Variants in HERC2 observed in about 807,000 individuals in gnomAD.
HERC2 encodes the protein E3 ubiquitin-protein ligase HERC2.
A neutral mutation model predicts 537.7 loss-of-function variants in HERC2; 102 were observed. The observed-to-expected ratio is 0.19, with a 90% confidence interval of 0.16 to 0.22. The LOEUF (loss-of-function observed/expected upper bound fraction) is 0.22, where lower values mean the gene tolerates loss of function less well. Among genes scored for constraint, HERC2 ranks in the 10% least tolerant of loss-of-function variants. The pLI is 1.00. For synonymous variants in HERC2, 2,224 were observed against 2,466.2 expected, an observed-to-expected ratio of 0.90 and a Z score of 2.91; for missense variants, 4,236 against 6,198.2, an observed-to-expected ratio of 0.68 and a Z score of 10.63.
At chr15:28,270,591 C>G in intron 10 of HERC2, 104 bp downstream of exon 10, 1 of 1,125,784 alleles carries the variant, frequency 8.9e-7, no homozygotes, top group Non-Finnish European at 1.3e-6. Flanking sequence ...CCAGCTCCCC[C>G]TACCAATACC....
In HERC2 at chr15:28,292,846, G is replaced by A. The variant is rs371633379; in HGVS notation, c.322+42C>T. Reference sequence around the variant, plus strand: ...CATCCAAGTTATTTAGAAAGGGAGCGTCAGATCAACCTTTCCAAAGTGCCA... The same window carrying A: ...CATCCAAGTTATTTAGAAAGGGAGCATCAGATCAACCTTTCCAAAGTGCCA... On this transcript the variant is annotated intron_variant, in intron 4 of 92. Coordinates refer to ENST00000261609, the MANE Select transcript of HERC2 (RefSeq NM_004667.6). The A allele has an allele frequency of 4.0e-5, 63 of 1,583,704 alleles. No individual in the cohort carries two copies. In the Admixed American group the frequency reaches 5.4e-4, roughly 14 times the overall value.
At chr15:28,170,198 T>G (rs1422030591) in intron 65 of HERC2, among the ~76,000 whole-genome samples, 1 of 152,218 alleles carries the variant, frequency 6.6e-6, no homozygotes, top group African/African-American at 2.4e-5. Flanking sequence ...ACAGACAAGA[T>G]TATTCTGAAA....
At chr15:28,319,216 C>A (rs1324495459) in intron 2 of HERC2, among the ~76,000 whole-genome samples, 3 of 152,262 alleles carry the variant, frequency 2.0e-5, no homozygotes, top group Admixed American at 1.3e-4. Flanking sequence ...GCTACTTAGA[C>A]CTGTAACACA....
chr15:28,238,311 A>C, intron 24 of HERC2, 94 bp from the exon 25 acceptor site: 5 of 991,882 alleles, frequency 5.0e-6, no homozygotes, highest in Non-Finnish European at 8.0e-6. Context: ...TTAGGCGCTT[A>C]ACTCAAAAGT....
chr15:28,193,250 C>A (rs1449426668), intron 52 of HERC2, among the ~76,000 whole-genome samples: 1 of 152,168 alleles, frequency 6.6e-6, no homozygotes, highest in African/African-American at 2.4e-5. Flanking sequence ...AATATAATAA[C>A]TATGCTTACT....
intron 79 of HERC2, among the ~76,000 whole-genome samples, chr15:28,133,755 G>GT (rs1890336667): frequency 6.6e-6 from 1 of 152,208 alleles, no homozygotes; most frequent in African/African-American, 2.4e-5. Flanking sequence ...ACTAGAAACT[G>GT]TGAGAAGTCC....
chr15:28,217,159 CTT>C lies in HERC2; in HGVS notation c.6028+1328_6028+1329del, dbSNP rs1900016180. 3.3e-5 allele frequency among the ~76,000 whole-genome samples: 5 copies of C among 152,308 alleles called. No homozygotes were observed. In the South Asian group the frequency reaches 8.3e-4, roughly 25 times the overall value. On this transcript the variant is annotated intron_variant, in intron 38 of 92. Coordinates refer to ENST00000261609, the MANE Select transcript of HERC2 (RefSeq NM_004667.6). ...CCTCACACTCACCAACCCTCACTGA[CTT>C]ACACTGACTTACACTTACACTGGGT...
At chr15:28,188,046 G>C (rs1272719688) in intron 55 of HERC2, among the ~76,000 whole-genome samples, 10 of 152,048 alleles carry the variant, frequency 6.6e-5, no homozygotes, top group Non-Finnish European at 1.5e-4. Context: ...CACCACCATA[G>C]GGATGCAAAA....
At chr15:28,193,911 C>T (rs8031097) in intron 52 of HERC2, among the ~76,000 whole-genome samples, 31,190 of 151,852 alleles carry the variant, frequency 0.21, 6,143 homozygotes, top group African/African-American at 0.5. Flanking sequence ...TTAAAAATAT[C>T]AAGGGGTATC....
At chr15:28,261,890 T>A (rs1302781988) in intron 15 of HERC2, among the ~76,000 whole-genome samples, 2 of 152,164 alleles carry the variant, frequency 1.3e-5, no homozygotes, top group African/African-American at 4.8e-5. Flanking sequence ...CAAACCCACT[T>A]GGTAAAGAAC....
At chr15:28,300,983 G>T (rs968565309) in intron 2 of HERC2, among the ~76,000 whole-genome samples, 2 of 151,554 alleles carry the variant, frequency 1.3e-5, no homozygotes, top group African/African-American at 4.9e-5. Flanking sequence ...AGAATCAAAG[G>T]CAATCTGACA....
intron 2 of HERC2, among the ~76,000 whole-genome samples, chr15:28,309,751 C>T (rs1283409059): frequency 6.6e-6 from 1 of 152,020 alleles, no homozygotes; most frequent in African/African-American, 2.4e-5. Flanking sequence ...TATGGCCAGA[C>T]TCCTGACCCA....
chr15:28,185,123 C>A (rs1896180024), intron 56 of HERC2, among the ~76,000 whole-genome samples: 1 of 151,384 alleles, frequency 6.6e-6, no homozygotes, highest in African/African-American at 2.4e-5. Context: ...TTCTTTTCAA[C>A]TTCTACACAA....
Position 28,248,553 on chromosome 15 carries a change from A to T in HERC2, c.3234T>A (p.Ser1078=), listed in dbSNP as rs1468769858. 2.5e-6 allele frequency: 4 copies of T among 1,611,726 alleles called. No homozygotes were observed. In the South Asian group the frequency reaches 4.4e-5, roughly 18 times the overall value. Residue 1078 remains serine (S), a splice_region_variant and synonymous_variant, in exon 21 of 93, where the codon TCT becomes TCA. Coordinates refer to ENST00000261609, the MANE Select transcript of HERC2 (RefSeq NM_004667.6). ...GESIGQTSDI[S]SPELMGVGSL... is the part of the protein sequence containing the mutation. Reference sequence around the variant, plus strand: ...ACTTTCACATTTTAAGCAACTTACTAGAAATATCTGAGGTCTGACCAATAC... The same window carrying T: ...ACTTTCACATTTTAAGCAACTTACTTGAAATATCTGAGGTCTGACCAATAC...
intron 15 of HERC2, among the ~76,000 whole-genome samples, chr15:28,262,571 G>A (rs1366519576): frequency 1.3e-5 from 2 of 152,330 alleles, no homozygotes; most frequent in East Asian, 3.9e-4. Flanking sequence ...CATGGTCTCA[G>A]TGTGCCTGCA....
chr15:28,261,549 C>G (rs2075415428), intron 15 of HERC2, among the ~76,000 whole-genome samples: 1 of 152,108 alleles, frequency 6.6e-6, no homozygotes, highest in African/African-American at 2.4e-5. Flanking sequence ...AAAATTCTAT[C>G]CTAGGAACTT....
rs182477473 is a variant in HERC2, at chr15:28,195,051, G to A, written c.8260+1164C>T. ...AGCCTGGGCAACAGAGTGAGACTCC[G>A]TCTCAAAAAAAAAAAAAATTAAAAT... On this transcript the variant is annotated intron_variant, in intron 52 of 92. Coordinates refer to ENST00000261609, the MANE Select transcript of HERC2 (RefSeq NM_004667.6). 1.4e-4 allele frequency among the ~76,000 whole-genome samples: 21 copies of A among 147,488 alleles called. No individual in the cohort carries two copies. The East Asian group carries it at 2.8e-3, about 20-fold the overall frequency.
rs368900932 is a variant in HERC2, at chr15:28,229,846, T to G, written c.4811A>C (p.Asp1604Ala). 1.5e-4 allele frequency: 177 copies of G among 1,191,968 alleles called. 1 individual carries two copies. The African/African-American group carries it at 2.4e-3, about 16-fold the overall frequency. 73.8% of individuals were successfully genotyped at this position (1,191,968 alleles called of 1,614,324 possible). Residue 1604 changes from aspartate (D) to alanine (A), a missense_variant and splice_region_variant, in exon 32 of 93, where the codon GAC (aspartate) becomes GCC (alanine). Transcript: ENST00000261609. ...KRPIAIKSPKDKWQPLLSTVT... is the reference protein window; with the variant it reads ...KRPIAIKSPKAKWQPLLSTVT... The stretch of plus-strand genomic sequence containing the variant: ...AGTACTCAACAGCGGCTGCCATTTG[T>G]CCTAACAAAGGAAAACAATTTTCAT...
intron 69 of HERC2, among the ~76,000 whole-genome samples, chr15:28,162,292 C>A (rs1045984575): frequency 1.3e-5 from 2 of 152,184 alleles, no homozygotes; most frequent in African/African-American, 2.4e-5. Flanking sequence ...GAGATTGCGC[C>A]ACCGCACTCC....
Sources: allele counts gnomAD v4.1 joint callset (sites outside exome capture counted in the v4.1 genomes callset), GRCh38; gene constraint gnomAD v4.1.1; transcripts MANE v1.5; gene names NCBI Gene and HGNC (gene_info 2026-07-23, HGNC 2026-07-21).